Variants in NTM observed in about 807,000 individuals in gnomAD.
NTM encodes the protein neurotrimin.
In NTM, 13 loss-of-function variants were observed where a neutral mutation model predicts 42.1. The observed-to-expected ratio is 0.31, with a 90% confidence interval of 0.20 to 0.49. The LOEUF is 0.49. Among genes scored for constraint, NTM ranks in the 20% least tolerant of loss-of-function variants. The pLI, the probability that NTM is intolerant of heterozygous loss-of-function variation, is 0.99. For synonymous variants in NTM, 187 were observed against 179.2 expected (o/e 1.04, Z -0.35); for missense variants, 373 against 452.8 (o/e 0.82, Z 1.60).
chr11:132,024,955 C>T lies in NTM; in HGVS notation c.167+113307C>T, dbSNP rs540207697. On this transcript the variant is annotated intron_variant, in intron 2 of 8. Coordinates refer to ENST00000683400, the MANE Select transcript of NTM (RefSeq NM_001352005.2). ...ACCCTGAGATCCTAGTGGCTTCATGCGATAAAGTGAATTACTAGTCTCCTT... is the reference window on the plus strand; with the variant it reads ...ACCCTGAGATCCTAGTGGCTTCATGTGATAAAGTGAATTACTAGTCTCCTT... Among the ~76,000 whole-genome samples the T allele has an allele frequency of 5.9e-5, 9 of 152,214 alleles. No individual in the cohort carries two copies. The South Asian group carries it at 6.2e-4, about 11-fold the overall frequency.
intron 1 of NTM, among the ~76,000 whole-genome samples, chr11:131,677,568 T>A (rs1034832274): frequency 6.6e-6 from 1 of 152,156 alleles, no homozygotes; most frequent in Admixed American, 6.6e-5. Flanking sequence ...AGTTGTCAAG[T>A]GGTGATCCCT....
chr11:132,299,034 G>A (rs934170709), intron 4 of NTM, among the ~76,000 whole-genome samples: 7 of 152,152 alleles, frequency 4.6e-5, no homozygotes, highest in African/African-American at 1.4e-4. Flanking sequence ...GGTGGCTCAC[G>A]CCTGTAATCC....
At chr11:131,484,594 T>A (rs1031130258) in intron 1 of NTM, among the ~76,000 whole-genome samples, 5 of 152,160 alleles carry the variant, frequency 3.3e-5, no homozygotes, top group Admixed American at 3.3e-4. Context: ...CAGATGGCCA[T>A]CCACAGGAGA....
chr11:131,433,302 T>G (rs2135927932), intron 1 of NTM, among the ~76,000 whole-genome samples: 1 of 152,334 alleles, frequency 6.6e-6, no homozygotes, highest in African/African-American at 2.4e-5. Flanking sequence ...ATGATTACAT[T>G]GACTTTCCTA....
intron 1 of NTM, among the ~76,000 whole-genome samples, chr11:131,714,561 A>G (rs1396023120): frequency 1.3e-5 from 2 of 152,138 alleles, no homozygotes; most frequent in Non-Finnish European, 2.9e-5. Context: ...ATTTTAGAGA[A>G]ACAGTGTAAC....
chr11:132,004,363 G>C (rs953520460), intron 2 of NTM, among the ~76,000 whole-genome samples: 3 of 151,940 alleles, frequency 2.0e-5, no homozygotes, highest in African/African-American at 7.3e-5. Flanking sequence ...GTAAAAAGTA[G>C]AAGCTGGTTT....
chr11:131,570,334 G>A (rs1385283052), intron 1 of NTM, among the ~76,000 whole-genome samples: 4 of 152,180 alleles, frequency 2.6e-5, no homozygotes, highest in East Asian at 1.9e-4. Context: ...CCTCGGCCGC[G>A]TTCCAGGAAC....
intron 2 of NTM, among the ~76,000 whole-genome samples, chr11:131,951,248 T>C (rs2060949415): frequency 6.6e-6 from 1 of 152,186 alleles, no homozygotes; most frequent in Non-Finnish European, 1.5e-5. Context: ...TCATCTTTTT[T>C]TTTCCTTAGC....
At chr11:131,682,657 G>T (rs1455422166) in intron 1 of NTM, among the ~76,000 whole-genome samples, 6 of 152,210 alleles carry the variant, frequency 3.9e-5, no homozygotes, top group South Asian at 4.1e-4. Context: ...CGGAGAGCGG[G>T]TCCTTCCTTG....
intron 1 of NTM, among the ~76,000 whole-genome samples, chr11:131,401,991 G>A (rs994202670): frequency 6.6e-6 from 1 of 150,950 alleles, no homozygotes; most frequent in Non-Finnish European, 1.5e-5. Context: ...AGTCTTGGCA[G>A]AAGACACCTT....
rs559376816 is a variant in NTM at position 131,375,628 on chromosome 11, A to C, written c.82+4740A>C. Among the ~76,000 whole-genome samples the C allele has an allele frequency of 1.5e-4, 23 of 152,272 alleles. 1 individual carries two copies. In the South Asian group the frequency reaches 4.8e-3, roughly 32 times the overall value. On this transcript the variant is annotated intron_variant, in intron 1 of 8. Coordinates refer to ENST00000683400, the MANE Select transcript of NTM (RefSeq NM_001352005.2). Reference sequence around the variant, plus strand: ...AAAGGAGGCTTCAGTGTGGGACTGCAGCGTGAATGGTGGAGAGGGGGAGCA... The same window carrying C: ...AAAGGAGGCTTCAGTGTGGGACTGCCGCGTGAATGGTGGAGAGGGGGAGCA...
At chr11:132,251,405 G>T (rs1204635218) in intron 4 of NTM, among the ~76,000 whole-genome samples, 1 of 152,288 alleles carries the variant, frequency 6.6e-6, no homozygotes, top group East Asian at 1.9e-4. Flanking sequence ...TTTTAAGAAA[G>T]ATGTAAACTG....
chr11:131,735,073 C>T (rs1167631865), intron 1 of NTM, among the ~76,000 whole-genome samples: 1 of 152,204 alleles, frequency 6.6e-6, no homozygotes, highest in Non-Finnish European at 1.5e-5. Flanking sequence ...ACTGAGGTCT[C>T]CAGAGGTGCT....
In NTM at chr11:131,561,543, C is replaced by CA. The variant is rs1461086100; in HGVS notation, c.82+190661dup. On this transcript the variant is annotated intron_variant, in intron 1 of 8. Transcript: ENST00000683400. ...TCATTGTGGCCAAACCCAACCAAGG[C>CA]AAAAAACTGTGGCCATTCACTTAGT... Among the ~76,000 whole-genome samples the CA allele has an allele frequency of 8.5e-5, 13 of 152,230 alleles. No homozygotes were observed. The East Asian group carries it at 2.3e-3, about 27-fold the overall frequency.
At chr11:131,834,550 A>G (rs915782472) in intron 1 of NTM, among the ~76,000 whole-genome samples, 9 of 150,010 alleles carry the variant, frequency 6.0e-5, no homozygotes, top group Admixed American at 5.4e-4. Context: ...ATCACCCCCA[A>G]TGCCATCATA....
intron 4 of NTM, among the ~76,000 whole-genome samples, chr11:132,274,975 A>C (rs1340326156): frequency 6.6e-6 from 1 of 152,124 alleles, no homozygotes; most frequent in Non-Finnish European, 1.5e-5. Context: ...AGTATCATAT[A>C]TTTGGGATAC....
chr11:131,513,936 C>T (rs1002912536), intron 1 of NTM, among the ~76,000 whole-genome samples: 1 of 152,084 alleles, frequency 6.6e-6, no homozygotes, highest in South Asian at 2.1e-4. Flanking sequence ...CCAGCAGACC[C>T]TCACCCTCCT....
intron 3 of NTM, among the ~76,000 whole-genome samples, chr11:132,148,691 G>T (rs2071149751): frequency 6.6e-6 from 1 of 152,026 alleles, no homozygotes; most frequent in Admixed American, 6.6e-5. Flanking sequence ...TGAACACCTC[G>T]CAGAATGCCT....
chr11:132,137,974 C>A (rs933527200), intron 2 of NTM, among the ~76,000 whole-genome samples: 1 of 152,308 alleles, frequency 6.6e-6, no homozygotes, highest in East Asian at 1.9e-4. Context: ...ATTCCATAAG[C>A]TCCCCGTTTC....
Sources: allele counts gnomAD v4.1 joint callset (sites outside exome capture counted in the v4.1 genomes callset), GRCh38; gene constraint gnomAD v4.1.1; transcripts MANE v1.5; gene names NCBI Gene and HGNC (gene_info 2026-07-23, HGNC 2026-07-21).